ZDHHC14: variants seen among roughly 807,000 people sequenced by gnomAD.
ZDHHC14 encodes zDHHC palmitoyltransferase 14.
A neutral mutation model predicts 47.7 loss-of-function variants in ZDHHC14; 16 were observed. That is an observed-to-expected ratio of 0.34 (90% CI 0.23 to 0.51). The LOEUF (loss-of-function observed/expected upper bound fraction) is 0.51. ZDHHC14 is among the 20% of genes least tolerant of loss of function. The pLI is 0.97. For synonymous variants in ZDHHC14, 293 were observed against 278.9 expected (o/e 1.05, Z -0.50); for missense variants, 515 against 662.5 (o/e 0.78, Z 2.44).
intron 1 of ZDHHC14, among the ~76,000 whole-genome samples, chr6:157,459,345 C>T (rs535634707): frequency 2.6e-5 from 4 of 152,226 alleles, no homozygotes; most frequent in African/African-American, 9.6e-5. Context: ...TAAGAGATCC[C>T]CTTCTTCACC....
intron 1 of ZDHHC14, among the ~76,000 whole-genome samples, chr6:157,500,722 C>T (rs920231647): frequency 6.6e-6 from 1 of 152,164 alleles, no homozygotes; most frequent in African/African-American, 2.4e-5. Flanking sequence ...CATGGTCCAT[C>T]GTGGTGGAAT....
At chr6:157,516,837 C>G (rs1780710593) in intron 1 of ZDHHC14, among the ~76,000 whole-genome samples, 1 of 152,216 alleles carries the variant, frequency 6.6e-6, no homozygotes, top group Non-Finnish European at 1.5e-5. Context: ...AAAACCACAC[C>G]AGGTGCAACT....
At chr6:157,389,193 C>T (rs145605320) in intron 1 of ZDHHC14, among the ~76,000 whole-genome samples, 1 of 152,184 alleles carries the variant, frequency 6.6e-6, no homozygotes, top group East Asian at 1.9e-4. Flanking sequence ...TTCAAACTTC[C>T]AGAAAGGTTG....
intron 3 of ZDHHC14, among the ~76,000 whole-genome samples, chr6:157,597,785 G>A (rs1297835715): frequency 6.6e-6 from 1 of 152,248 alleles, no homozygotes; most frequent in African/African-American, 2.4e-5. Flanking sequence ...GGGGCACCGA[G>A]CAGACCAGCC....
chr6:157,433,209 A>C (rs1312766336), intron 1 of ZDHHC14, among the ~76,000 whole-genome samples: 1 of 152,268 alleles, frequency 6.6e-6, no homozygotes, highest in Admixed American at 6.5e-5. Flanking sequence ...AGACTTACTT[A>C]GGTAATAAGA....
intron 1 of ZDHHC14, among the ~76,000 whole-genome samples, chr6:157,531,062 C>T (rs1781345725): frequency 6.6e-6 from 1 of 151,672 alleles, no homozygotes; most frequent in South Asian, 2.1e-4. Context: ...CTGGAGCACA[C>T]GGAAGTGGGG....
At chr6:157,466,612 C>A (rs543978914) in intron 1 of ZDHHC14, among the ~76,000 whole-genome samples, 1 of 152,116 alleles carries the variant, frequency 6.6e-6, no homozygotes, top group Non-Finnish European at 1.5e-5. Flanking sequence ...CCAAGGTGGG[C>A]GGATCACCTG....
intron 1 of ZDHHC14, among the ~76,000 whole-genome samples, chr6:157,494,516 A>T (rs1447299475): frequency 2.0e-5 from 3 of 152,230 alleles, no homozygotes; most frequent in African/African-American, 7.2e-5. Context: ...CCAGGAAACA[A>T]CATGTGGCCT....
At chr6:157,447,455 C>T (rs929373425) in intron 1 of ZDHHC14, among the ~76,000 whole-genome samples, 1 of 152,210 alleles carries the variant, frequency 6.6e-6, no homozygotes, top group Non-Finnish European at 1.5e-5. Context: ...CCCAGCGCTA[C>T]CTGCGCTGCT....
chr6:157,412,499 T>G (rs141379305), intron 1 of ZDHHC14, among the ~76,000 whole-genome samples: 3,561 of 151,286 alleles, frequency 0.024, 140 homozygotes, highest in African/African-American at 0.082. Context: ...CACCATCTTG[T>G]CCAGGCTGGT....
At chr6:157,543,045 A>T (rs749746484) in intron 2 of ZDHHC14, among the ~76,000 whole-genome samples, 6 of 152,222 alleles carry the variant, frequency 3.9e-5, no homozygotes, top group Non-Finnish European at 7.3e-5. Context: ...TCTACTAAGC[A>T]GCCTCCACCC....
chr6:157,632,367 C>G (rs1694147330), intron 4 of ZDHHC14: 1 of 162,380 alleles, frequency 6.2e-6, no homozygotes, highest in Admixed American at 5.9e-5. Flanking sequence ...GTCTAAAGCC[C>G]AAGAGAAGTC....
intron 1 of ZDHHC14, among the ~76,000 whole-genome samples, chr6:157,442,699 C>T (rs1303854414): frequency 1.3e-5 from 2 of 152,216 alleles, no homozygotes; most frequent in East Asian, 3.8e-4. Context: ...TTTGCCCCTG[C>T]CAAAGGTGGC....
chr6:157,528,657 G>A (rs202076367), intron 1 of ZDHHC14, among the ~76,000 whole-genome samples: 39 of 152,172 alleles, frequency 2.6e-4, no homozygotes, highest in African/African-American at 3.9e-4. Context: ...GCAAAAACCC[G>A]GGAGGCGGAG....
At chr6:157,516,290 G>A (rs749764759) in intron 1 of ZDHHC14, among the ~76,000 whole-genome samples, 2 of 152,164 alleles carry the variant, frequency 1.3e-5, no homozygotes, top group Non-Finnish European at 1.5e-5. Context: ...GTGTAATAGC[G>A]ATGCTGTGAA....
rs1456499856 is a variant in ZDHHC14, at chr6:157,675,811, C to T, written c.*2689C>T. On this transcript the variant is annotated 3_prime_UTR_variant, in exon 9 of 9. Coordinates refer to ENST00000359775, the MANE Select transcript of ZDHHC14 (RefSeq NM_024630.3). Reference sequence around the variant, plus strand: ...TTCCTTCTAGCTGTGGCTGAGTAGACGTTGGTGTTTCTAACTTCTTTCAGT... The same window carrying T: ...TTCCTTCTAGCTGTGGCTGAGTAGATGTTGGTGTTTCTAACTTCTTTCAGT... 1 of 152,192 alleles carries T rather than the reference C, an allele frequency of 6.6e-6. No homozygotes were observed. The highest frequency in any genetic ancestry group is 6.5e-5 in the Admixed American group (1 of 15,280). 9.4% of individuals were successfully genotyped at this position (152,192 alleles called of 1,614,324 possible). A position where few individuals can be genotyped will look rare whatever the true frequency, so the allele number is the denominator to read the frequency against.
intron 7 of ZDHHC14, among the ~76,000 whole-genome samples, chr6:157,652,725 G>A (rs925085026): frequency 2.6e-5 from 4 of 152,232 alleles, no homozygotes; most frequent in African/African-American, 9.6e-5. Flanking sequence ...CAGAGATACA[G>A]ATATTGAGAC....
At chr6:157,610,480 ACCCTT>A (rs2114921688) in intron 3 of ZDHHC14, among the ~76,000 whole-genome samples, 1 of 152,188 alleles carries the variant, frequency 6.6e-6, no homozygotes, top group African/African-American at 2.4e-5. Flanking sequence ...GAAACTAACT[ACCCTT>A]CTGCCATGAA....
intron 5 of ZDHHC14, among the ~76,000 whole-genome samples, chr6:157,636,937 C>T (rs972825516): frequency 5.3e-5 from 8 of 152,172 alleles, no homozygotes; most frequent in African/African-American, 7.2e-5. Context: ...TTCTGTGTTC[C>T]GACAGGGTGC....
Sources: gnomAD v4.1 joint callset for allele counts (sites outside exome capture counted in the v4.1 genomes callset) on GRCh38, gnomAD v4.1.1 for gene constraint, MANE v1.5 for transcripts, NCBI Gene and HGNC (gene_info 2026-07-23, HGNC 2026-07-21) for gene names.